TMEM74: variants seen among roughly 807,000 people sequenced by gnomAD.
TMEM74 encodes the protein transmembrane protein 74.
In TMEM74, 13 loss-of-function variants were observed where a neutral mutation model predicts 18.1. The observed-to-expected ratio is 0.72, with a 90% CI of 0.47 to 1.14. The LOEUF is 1.14. TMEM74 is among the 50% of genes most tolerant of loss of function. TMEM74 has a pLI of 0.00. For synonymous variants in TMEM74, 159 were observed against 146.6 expected, an observed-to-expected ratio of 1.08 and a Z score of -0.61; for missense variants, 372 against 375.9, an observed-to-expected ratio of 0.99 and a Z score of 0.09.
intron 1 of TMEM74, among the ~76,000 whole-genome samples, chr8:108,721,024 C>T (rs986107842): frequency 1.3e-5 from 2 of 152,202 alleles, no homozygotes; most frequent in Non-Finnish European, 2.9e-5. Context: ...CCGCCTCGAC[C>T]TCCCAAAGTG....
intron 1 of TMEM74, among the ~76,000 whole-genome samples, chr8:108,706,024 A>T (rs1446958497): frequency 6.6e-6 from 1 of 152,192 alleles, no homozygotes; most frequent in Non-Finnish European, 1.5e-5. Flanking sequence ...CTGTTGCCTA[A>T]ATTAACAGGT....
intron 2 of TMEM74, among the ~76,000 whole-genome samples, chr8:108,645,394 G>T (rs977479279): frequency 3.3e-5 from 5 of 152,050 alleles, no homozygotes; most frequent in Non-Finnish European, 7.4e-5. Flanking sequence ...AAAACTTTTG[G>T]ATACTATGCT....
At position 108,784,301 on chromosome 8, in the gene TMEM74, G is replaced by C; in HGVS notation, c.798C>G (p.Ala266=). Residue 266 remains alanine, a synonymous_variant, in exon 2 of 2, where the codon GCC becomes GCG. Coordinates refer to ENST00000297459, the MANE Select transcript of TMEM74 (RefSeq NM_153015.3). ...AGAGTTTTGCAGACTCTTTGGAAGA[G>C]GCAAATCTGTTTCGACGATAGAGCT... ...KGELYRRNRF[A]SSKESAKLYG... 1 of 1,614,072 alleles carries C rather than the reference G, an allele frequency of 6.2e-7. No homozygotes were observed. The highest frequency in any genetic ancestry group is 8.5e-7 in the Non-Finnish European group (1 of 1,180,026).
chr8:108,756,516 A>G (rs1005130634), intron 1 of TMEM74, among the ~76,000 whole-genome samples: 1 of 145,348 alleles, frequency 6.9e-6, no homozygotes. Context: ...CATATCCGCA[A>G]ATTTAGAGGA....
At chr8:108,785,411 T>C (rs759566869) in intron 1 of TMEM74, among the ~76,000 whole-genome samples, 10 of 152,288 alleles carry the variant, frequency 6.6e-5, no homozygotes, top group East Asian at 1.9e-4. Context: ...GAAAGAATAC[T>C]GCCGTCACCA....
intron 2 of TMEM74, among the ~76,000 whole-genome samples, chr8:108,628,125 T>A (rs981989805): frequency 2.0e-5 from 3 of 152,030 alleles, no homozygotes; most frequent in Non-Finnish European, 4.4e-5. Context: ...GGCTTGCAGT[T>A]TGACTCCCTG....
At chr8:108,679,922 A>G (rs1455455499) in intron 1 of TMEM74, among the ~76,000 whole-genome samples, 1 of 152,230 alleles carries the variant, frequency 6.6e-6, no homozygotes, top group Non-Finnish European at 1.5e-5. Context: ...CTGCACAAAT[A>G]AACTAGAAAA....
At chr8:108,617,780 A>G (rs1011708241) in intron 2 of TMEM74, among the ~76,000 whole-genome samples, 3 of 152,080 alleles carry the variant, frequency 2.0e-5, no homozygotes, top group African/African-American at 7.2e-5. Flanking sequence ...AGGAAAAAAT[A>G]TAAAATAAAA....
chr8:108,655,406 A>T (rs1812811704), exon 2 of TMEM74: 3 of 152,114 alleles, frequency 2.0e-5, no homozygotes, highest in South Asian at 4.2e-4. Context: ...GGAGTTCATG[A>T]TCAGCCTAGG....
chr8:108,761,660 T>C (rs1221566190), intron 1 of TMEM74, among the ~76,000 whole-genome samples: 1 of 152,128 alleles, frequency 6.6e-6, no homozygotes, highest in African/African-American at 2.4e-5. Context: ...CCTCTTCCTA[T>C]TCTCCTATCT....
At chr8:108,729,270 T>C (rs1032391810) in intron 1 of TMEM74, among the ~76,000 whole-genome samples, 5 of 152,332 alleles carry the variant, frequency 3.3e-5, no homozygotes, top group East Asian at 1.9e-4. Context: ...TCCTAGAGGC[T>C]GCCTGTATTC....
intron 1 of TMEM74, among the ~76,000 whole-genome samples, chr8:108,678,312 A>G (rs887264008): frequency 6.6e-6 from 1 of 152,192 alleles, no homozygotes; most frequent in Non-Finnish European, 1.5e-5. Flanking sequence ...GTATTAGAAT[A>G]TCTTCATTTA....
chr8:108,754,180 A>C (rs1436967020), intron 1 of TMEM74, among the ~76,000 whole-genome samples: 1 of 152,120 alleles, frequency 6.6e-6, no homozygotes. Context: ...ACCAAAGACA[A>C]AATTAATTGT....
chr8:108,754,663 CT>C (rs1813938756), intron 1 of TMEM74, among the ~76,000 whole-genome samples: 1 of 63,236 alleles, frequency 1.6e-5, no homozygotes, highest in Admixed American at 1.5e-4. Context: ...AGGTAGGTAG[CT>C]AGGTAGCTAG....
chr8:108,709,926 T>G (rs1813458287), intron 1 of TMEM74, among the ~76,000 whole-genome samples: 1 of 152,182 alleles, frequency 6.6e-6, no homozygotes, highest in Non-Finnish European at 1.5e-5. Flanking sequence ...AATTTGATGT[T>G]TCTTGACAAT....
chr8:108,652,530 T>C (rs1467089348), intron 2 of TMEM74: 1 of 514,652 alleles, frequency 1.9e-6, no homozygotes, highest in Non-Finnish European at 3.6e-6. Context: ...GAGTGCAGGA[T>C]GGTGCTCATT....
chr8:108,786,221 C>T (rs1814383345), intron 1 of TMEM74, among the ~76,000 whole-genome samples: 1 of 152,202 alleles, frequency 6.6e-6, no homozygotes, highest in Non-Finnish European at 1.5e-5. Flanking sequence ...CTCCTCACCC[C>T]CGACTGCAGC....
At chr8:108,610,616 C>A (rs184482423) in intron 2 of TMEM74, among the ~76,000 whole-genome samples, 7 of 152,066 alleles carry the variant, frequency 4.6e-5, no homozygotes, top group Non-Finnish European at 8.8e-5. Context: ...GTCAAGGAAA[C>A]AGAACAGCCA....
intron 1 of TMEM74, among the ~76,000 whole-genome samples, chr8:108,738,050 G>A (rs1478425113): frequency 6.6e-6 from 1 of 152,024 alleles, no homozygotes; most frequent in Non-Finnish European, 1.5e-5. Context: ...CTGTTGCTCT[G>A]TTTAGGAATC....
Sources: gnomAD v4.1 joint callset for allele counts (sites outside exome capture counted in the v4.1 genomes callset) on GRCh38, gnomAD v4.1.1 for gene constraint, MANE v1.5 for transcripts, NCBI Gene and HGNC (gene_info 2026-07-23, HGNC 2026-07-21) for gene names.